The following ZNF763 variants were observed in gnomAD, a reference collection of about 807,000 sequenced individuals.
ZNF763 encodes the protein DNA-binding protein.
A neutral mutation model predicts 38.0 loss-of-function variants in ZNF763; 33 were observed. The observed-to-expected ratio is 0.87, with a 90% CI of 0.66 to 1.16. The LOEUF (loss-of-function observed/expected upper bound fraction) is 1.16, where lower values mean the gene tolerates loss of function less well. Ranked by LOEUF, ZNF763 falls within the 50% of genes most tolerant of loss-of-function variation. The pLI is 0.00. For missense variants in ZNF763, 423 were observed against 469.1 expected (o/e 0.90, Z 0.91); for synonymous variants, 155 against 160.1 (o/e 0.97, Z 0.24).
chr19:11,973,430 G>A (rs1208091127), intron 1 of ZNF763, among the ~76,000 whole-genome samples: 1 of 152,012 alleles, frequency 6.6e-6, no homozygotes, highest in African/African-American at 2.4e-5. Context: ...GAGAGACAGG[G>A]TCTCAAACTC....
At position 11,979,380 on chromosome 19, in the gene ZNF763, C is replaced by T; in HGVS notation, c.*271C>T. The T allele has an allele frequency of 3.7e-6, 6 of 1,610,764 alleles. No individual in the cohort carries two copies. Among genetic ancestry groups the T allele is most frequent in the Non-Finnish European group, 5.1e-6 (6 of 1,178,660 alleles). On this transcript the variant is annotated 3_prime_UTR_variant, in exon 4 of 4. Coordinates refer to ENST00000358987, the MANE Select transcript of ZNF763 (RefSeq NM_001367172.2). ...TATGAGTGTAAGGAATGTGGGAAAG[C>T]CTTCAGATCTGCCTCACACCTTCAA...
At chr19:11,972,841 T>C (rs1048766668) in intron 1 of ZNF763, among the ~76,000 whole-genome samples, 11 of 151,850 alleles carry the variant, frequency 7.2e-5, no homozygotes, top group African/African-American at 2.4e-4. Context: ...CCTGTAATCC[T>C]ACCACTTAGG....
Position 11,971,653 on chromosome 19 carries a change from A to T in ZNF763, c.4-5385A>T, listed in dbSNP as rs1165546121. On this transcript the variant is annotated intron_variant, in intron 1 of 3. Coordinates refer to ENST00000358987, the MANE Select transcript of ZNF763 (RefSeq NM_001367172.2). ...TTATTTAATCTCCTTTTAAGGACACATGACATTTTTCCATTTATTGCATTT... is the reference window on the plus strand; with the variant it reads ...TTATTTAATCTCCTTTTAAGGACACTTGACATTTTTCCATTTATTGCATTT... Among the ~76,000 whole-genome samples the T allele has an allele frequency of 2.0e-5, 3 of 152,370 alleles. No individual in the cohort carries two copies. In the East Asian group the frequency reaches 5.8e-4, roughly 29 times the overall value.
intron 1 of ZNF763, among the ~76,000 whole-genome samples, chr19:11,971,333 T>A (rs1174150576): frequency 6.6e-6 from 1 of 152,182 alleles, no homozygotes; most frequent in Non-Finnish European, 1.5e-5. Flanking sequence ...TCGGAAAGCA[T>A]CTACCTTTAT....
rs1973194994 is a variant in ZNF763, at chr19:11,965,056, C to A, written c.-153C>A. 2 of 937,388 alleles carry A rather than the reference C, an allele frequency of 2.1e-6. No homozygotes were observed. The highest frequency in any genetic ancestry group is 2.1e-5 in the Admixed American group (1 of 47,960). 58.1% of individuals were successfully genotyped at this position (937,388 alleles called of 1,614,324 possible). On this transcript the variant is annotated 5_prime_UTR_variant, in exon 1 of 4. Transcript: ENST00000358987. Reference sequence around the variant, plus strand: ...GTCGCATTCCTGTCCTCACCTTTGTCCTTGCGCAGCCGGTGGTTGATATCC... The same window carrying A: ...GTCGCATTCCTGTCCTCACCTTTGTACTTGCGCAGCCGGTGGTTGATATCC...
Position 11,965,065 on chromosome 19 carries a change from G to T in ZNF763, c.-144G>T. The T allele has an allele frequency of 9.6e-7, 1 of 1,043,064 alleles. No individual in the cohort carries two copies. The highest frequency in any genetic ancestry group is 1.5e-6 in the Non-Finnish European group (1 of 686,840). 64.6% of individuals were successfully genotyped at this position (1,043,064 alleles called of 1,614,324 possible). A position where few individuals can be genotyped will look rare whatever the true frequency, so the allele number is the denominator to read the frequency against. On this transcript the variant is annotated 5_prime_UTR_variant, in exon 1 of 4. Transcript: ENST00000358987. ...CTGTCCTCACCTTTGTCCTTGCGCA[G>T]CCGGTGGTTGATATCCGCTGTATCC...
chr19:11,974,135 TTTCTTTCTTTCTTTCTTTCTTTCC>T (rs1973427638), intron 1 of ZNF763, among the ~76,000 whole-genome samples: 3 of 102,580 alleles, frequency 2.9e-5, no homozygotes, highest in African/African-American at 1.5e-4. Context: ...CTTTTCTTTC[TTTCTTTCTTTCTTTCTTTCTTTCC>T]TTCCTTCCTT....
In ZNF763 at chr19:11,979,061, T is replaced by C. The variant is rs771521259; in HGVS notation, c.1137T>C (p.Tyr379=). 2.5e-6 allele frequency: 4 copies of C among 1,614,194 alleles called. No homozygotes were observed. The highest frequency in any genetic ancestry group is 2.2e-5 in the South Asian group (2 of 91,088). The change falls in exon 4 of 4, where the codon TAT becomes TAC. Residue 379 remains tyrosine (Y), a synonymous_variant. Transcript: ENST00000358987. The part of the protein sequence containing the change: ...ECKQCGKALS[Y]KFSNTPKNAL... ...AGCAGTGTGGGAAAGCATTATCTTA[T>C]AAGTTTTCAAACACACCTAAGAATG... is the stretch of plus-strand genomic sequence containing the variant.
intron 1 of ZNF763, among the ~76,000 whole-genome samples, chr19:11,974,852 C>G (rs143586115): frequency 5.3e-5 from 8 of 152,216 alleles, no homozygotes; most frequent in Admixed American, 5.2e-4. Context: ...ATACGCCTGC[C>G]TTGGCCTTGC....
rs199872030 is a variant in ZNF763, at chr19:11,977,406, T to G, written c.166T>G (p.Tyr56Asp). The change falls in exon 3 of 4, where the codon TAC becomes GAC. Residue 56 changes from tyrosine (Y) to aspartate (D), a missense_variant. Tyr to Asp is a radical substitution (Grantham distance 160). Coordinates refer to ENST00000358987, the MANE Select transcript of ZNF763 (RefSeq NM_001367172.2). Reference sequence around the variant, plus strand: ...GAAAGACCAGAACATTGAATATGAGTACCAAAACCCCAGGAGAAACTTCAG... The same window carrying G: ...GAAAGACCAGAACATTGAATATGAGGACCAAAACCCCAGGAGAAACTTCAG... ...KWKDQNIEYE[Y>D]QNPRRNFRSL... 8 of 1,613,816 alleles carry G rather than the reference T, an allele frequency of 5.0e-6. No individual in the cohort carries two copies. The highest frequency in any genetic ancestry group is 2.7e-5 in the African/African-American group (2 of 74,904).
Position 11,979,441 on chromosome 19 carries a change from C to A in ZNF763, c.*332C>A. 6.2e-7 allele frequency: 1 copy of A among 1,607,404 alleles called. No individual in the cohort carries two copies. The highest frequency in any genetic ancestry group is 1.7e-5 in the Admixed American group (1 of 59,664). On this transcript the variant is annotated 3_prime_UTR_variant, in exon 4 of 4. Transcript: ENST00000358987. Reference sequence around the variant, plus strand: ...GGACACAAACACACATAAGAATACACTCTGGAGAAAGACCTTATAAATGTA... The same window carrying A: ...GGACACAAACACACATAAGAATACAATCTGGAGAAAGACCTTATAAATGTA...
At chr19:11,968,463 T>A (rs10407094) in intron 1 of ZNF763, among the ~76,000 whole-genome samples, 19,185 of 152,060 alleles carry the variant, frequency 0.13, 2,254 homozygotes, top group African/African-American at 0.31. Context: ...GCTGGTCTCT[T>A]GCTCCTGGCC....
chr19:11,967,788 G>A (rs1471433858), intron 1 of ZNF763, among the ~76,000 whole-genome samples: 1 of 152,220 alleles, frequency 6.6e-6, no homozygotes, highest in East Asian at 1.9e-4. Flanking sequence ...AGCAAGTGGA[G>A]GAACATACTG....
intron 3 of ZNF763, among the ~76,000 whole-genome samples, chr19:11,977,774 C>G (rs1419623816): frequency 6.6e-6 from 1 of 152,140 alleles, no homozygotes; most frequent in East Asian, 1.9e-4. Flanking sequence ...AAGGATCACT[C>G]AAGCCCCCAG....
At chr19:11,967,350 A>G (rs972822826) in intron 1 of ZNF763, among the ~76,000 whole-genome samples, 1 of 152,170 alleles carries the variant, frequency 6.6e-6, no homozygotes, top group African/African-American at 2.4e-5. Flanking sequence ...AAACAAAAAC[A>G]AAATAAACAA....
intron 2 of ZNF763, 41 bp from the exon 3 acceptor site, chr19:11,977,330 T>C: frequency 1.2e-6 from 2 of 1,610,134 alleles, no homozygotes; most frequent in Non-Finnish European, 1.7e-6. Flanking sequence ...TTTCACAGTT[T>C]TATATTGCTT....
At chr19:11,975,490 C>T (rs373977372) in intron 1 of ZNF763, among the ~76,000 whole-genome samples, 85 of 152,096 alleles carry the variant, frequency 5.6e-4, no homozygotes, top group East Asian at 2.1e-3. Context: ...TTCCGCTTCC[C>T]GGGTTCACGC....
In ZNF763 at chr19:11,979,825, A is replaced by C; in HGVS notation, c.*716A>C. On this transcript the variant is annotated 3_prime_UTR_variant, in exon 4 of 4. Coordinates refer to ENST00000358987, the MANE Select transcript of ZNF763 (RefSeq NM_001367172.2). ...GTAAGGAATGTGGGAAAGCCTTCAG[A>C]TCTGCCAAGAACCTTCGAATTCATG... The C allele has an allele frequency of 6.4e-7, 1 of 1,564,356 alleles. No individual in the cohort carries two copies. Among genetic ancestry groups the C allele is most frequent in the South Asian group, 1.1e-5 (1 of 90,070 alleles).
chr19:11,974,555 A>G (rs537301381), intron 1 of ZNF763, among the ~76,000 whole-genome samples: 1 of 146,418 alleles, frequency 6.8e-6, no homozygotes, highest in East Asian at 2.0e-4. Context: ...TGTTTGTTTG[A>G]CATAATTACA....
Sources: allele counts gnomAD v4.1 joint callset (sites outside exome capture counted in the v4.1 genomes callset), GRCh38; gene constraint gnomAD v4.1.1; transcripts MANE v1.5; gene names NCBI Gene and HGNC (gene_info 2026-07-23, HGNC 2026-07-21).